Variants in LIN52 observed in about 807,000 individuals in gnomAD.
The protein encoded by LIN52 is lin-52 DREAM MuvB core complex component.
In LIN52, 4 loss-of-function variants were observed where a neutral mutation model predicts 18.5. The ratio of observed to expected loss-of-function variants is 0.22; its 90% CI spans 0.11 to 0.49. The LOEUF is 0.49. Among genes scored for constraint, LIN52 ranks in the 20% least tolerant of loss-of-function variants. The pLI, the probability that LIN52 is intolerant of heterozygous loss-of-function variation, is 0.97. For synonymous variants in LIN52, 34 were observed against 45.5 expected (o/e 0.75, Z 1.02); for missense variants, 102 against 139.5 (o/e 0.73, Z 1.35).
chr14:74,182,204 G>T (rs897893413), intron 5 of LIN52, among the ~76,000 whole-genome samples: 9 of 152,132 alleles, frequency 5.9e-5, no homozygotes, highest in African/African-American at 1.7e-4. Context: ...TGGAGAGGGG[G>T]TTTTGCTGTG....
chr14:74,197,303 C>T (rs568181970), intron 5 of LIN52, among the ~76,000 whole-genome samples: 146 of 152,260 alleles, frequency 9.6e-4, no homozygotes, highest in Admixed American at 5.9e-4. Flanking sequence ...TAAGAATCTT[C>T]GCAGTGCAGC....
intron 5 of LIN52, among the ~76,000 whole-genome samples, chr14:74,179,219 A>G (rs1009129432): frequency 8.5e-5 from 13 of 152,192 alleles, no homozygotes; most frequent in Non-Finnish European, 1.5e-4. Flanking sequence ...AATGTGTTCT[A>G]TACTCATATA....
chr14:74,198,713 G>A (rs2078929448), intron 5 of LIN52, among the ~76,000 whole-genome samples: 1 of 152,174 alleles, frequency 6.6e-6, no homozygotes. Flanking sequence ...TATCTCAATT[G>A]CCAACTTCAG....
intron 5 of LIN52, among the ~76,000 whole-genome samples, chr14:74,109,496 T>G (rs969026344): frequency 5.9e-5 from 9 of 152,300 alleles, no homozygotes; most frequent in South Asian, 2.1e-4. Context: ...GCCGTAAATG[T>G]GAAGGTTTAT....
intron 5 of LIN52, among the ~76,000 whole-genome samples, chr14:74,152,308 A>G (rs1347915291): frequency 6.7e-6 from 1 of 150,060 alleles, no homozygotes; most frequent in African/African-American, 2.5e-5. Flanking sequence ...TGGACTCTAC[A>G]GATGGGCTCT....
intron 5 of LIN52, among the ~76,000 whole-genome samples, chr14:74,142,654 C>T (rs1055005160): frequency 2.0e-5 from 3 of 151,676 alleles, no homozygotes; most frequent in Non-Finnish European, 4.4e-5. Context: ...CATTGGACAG[C>T]ACTGCTCTAG....
At chr14:74,141,646 A>AG (rs2061131944) in intron 5 of LIN52, among the ~76,000 whole-genome samples, 1 of 151,782 alleles carries the variant, frequency 6.6e-6, no homozygotes, top group African/African-American at 2.4e-5. Context: ...TTTAGGGGGG[A>AG]GGTAGTGTGA....
intron 5 of LIN52, chr14:74,114,353 G>C: frequency 1.0e-6 from 1 of 985,520 alleles, no homozygotes; most frequent in Non-Finnish European, 1.2e-6. Flanking sequence ...GAGTAGGATG[G>C]TAGAGAGAGG....
intron 3 of LIN52, among the ~76,000 whole-genome samples, chr14:74,097,246 C>T (rs1483927491): frequency 6.6e-6 from 1 of 152,062 alleles, no homozygotes; most frequent in Admixed American, 6.6e-5. Context: ...TAATAGTGGT[C>T]ATACCTATTC....
chr14:74,149,578 G>A (rs184004785), intron 5 of LIN52, among the ~76,000 whole-genome samples: 5 of 152,176 alleles, frequency 3.3e-5, no homozygotes, highest in East Asian at 3.9e-4. Context: ...TAGTAATTCC[G>A]ATTCAATTCC....
At chr14:74,115,441 A>T (rs940902850) in intron 5 of LIN52, among the ~76,000 whole-genome samples, 1 of 151,250 alleles carries the variant, frequency 6.6e-6, no homozygotes, top group African/African-American at 2.4e-5. Context: ...CTGAAAAATA[A>T]AGCCAGAGAA....
At chr14:74,168,150 C>T (rs1002345467) in intron 5 of LIN52, among the ~76,000 whole-genome samples, 1 of 152,200 alleles carries the variant, frequency 6.6e-6, no homozygotes, top group African/African-American at 2.4e-5. Context: ...GAGTTTAGAT[C>T]AGATATTCTT....
intron 1 of LIN52, among the ~76,000 whole-genome samples, chr14:74,090,995 C>T (rs1453342064): frequency 6.6e-6 from 1 of 152,144 alleles, no homozygotes; most frequent in African/African-American, 2.4e-5. Flanking sequence ...CATTGATACT[C>T]ATTTTTCTTA....
At chr14:74,138,723 C>G (rs1044297183) in intron 5 of LIN52, among the ~76,000 whole-genome samples, 6 of 150,944 alleles carry the variant, frequency 4.0e-5, no homozygotes, top group African/African-American at 9.8e-5. Context: ...CACCCCACCC[C>G]CTATCCTCTG....
intron 5 of LIN52, among the ~76,000 whole-genome samples, chr14:74,110,489 G>T (rs1218321269): frequency 1.3e-5 from 2 of 152,124 alleles, no homozygotes; most frequent in Non-Finnish European, 2.9e-5. Flanking sequence ...GACCAGCCTG[G>T]CCAACATGGT....
chr14:74,165,513 C>CTTTTCTTTTTTTTTTT (rs1555384151), intron 5 of LIN52, among the ~76,000 whole-genome samples: 23 of 110,260 alleles, frequency 2.1e-4, no homozygotes, highest in Admixed American at 3.8e-4. Context: ...GTTTTCTTTT[C>CTTTTCTTTTTTTTTTT]TTTTTTTTTT....
intron 5 of LIN52, among the ~76,000 whole-genome samples, chr14:74,166,217 T>C (rs2061249237): frequency 1.4e-5 from 2 of 146,038 alleles, no homozygotes; most frequent in African/African-American, 5.1e-5. Context: ...ACAATTAAGT[T>C]ATTTTTTATT....
chr14:74,162,310 T>C (rs2139566122), intron 5 of LIN52, among the ~76,000 whole-genome samples: 1 of 151,962 alleles, frequency 6.6e-6, no homozygotes, highest in East Asian at 1.9e-4. Flanking sequence ...ATCTCGTCTC[T>C]ACTAAAAATA....
intron 5 of LIN52, among the ~76,000 whole-genome samples, chr14:74,142,993 A>G (rs769886756): frequency 2.8e-4 from 42 of 151,356 alleles, no homozygotes; most frequent in Non-Finnish European, 4.1e-4. Context: ...AGAAGACTAA[A>G]TCTAATAAGC....
Sources: gnomAD v4.1 joint callset for allele counts (sites outside exome capture counted in the v4.1 genomes callset) on GRCh38, gnomAD v4.1.1 for gene constraint, MANE v1.5 for transcripts, NCBI Gene and HGNC (gene_info 2026-07-23, HGNC 2026-07-21) for gene names.